Variants in HP1BP3 observed in about 807,000 individuals in gnomAD.
HP1BP3 encodes heterochromatin protein 1 binding protein 3, also known as heterochromatin protein 1-binding protein 3.
HP1BP3 carries 12 observed loss-of-function variants against 62.5 expected under a neutral mutation model. The observed-to-expected ratio is 0.19, with a 90% confidence interval of 0.12 to 0.31. HP1BP3 has a LOEUF of 0.31. HP1BP3 is among the 10% of genes least tolerant of loss of function. The pLI is 1.00. For missense variants in HP1BP3, 502 were observed against 651.8 expected (o/e 0.77, Z 2.50); for synonymous variants, 260 against 237.8 (o/e 1.09, Z -0.86).
intron 9 of HP1BP3, 104 bp downstream of exon 9, chr1:20,757,062 C>G: frequency 1.5e-6 from 1 of 645,810 alleles, no homozygotes; most frequent in African/African-American, 1.8e-5. Context: ...CCCACATAAA[C>G]AAAAGTTCTT....
intron 9 of HP1BP3, among the ~76,000 whole-genome samples, chr1:20,750,849 G>A (rs1052037382): frequency 1.3e-4 from 16 of 125,450 alleles, no homozygotes; most frequent in African/African-American, 5.0e-4. Flanking sequence ...ACAGAGTCTC[G>A]CTCTGTTGCC....
Position 20,780,288 on chromosome 1 carries a change from G to C in HP1BP3, c.96+57C>G, listed in dbSNP as rs1216481169. Reference sequence around the variant, plus strand: ...AACATGTACCAAGAAGGACCCAGCAGGGCCTGAAGTCAGGGATTGATCCAA... The same window carrying C: ...AACATGTACCAAGAAGGACCCAGCACGGCCTGAAGTCAGGGATTGATCCAA... On this transcript the variant is annotated intron_variant, in intron 2 of 12. Coordinates refer to ENST00000438032, the MANE Select transcript of HP1BP3 (RefSeq NM_001372052.1). 4.0e-6 allele frequency: 5 copies of C among 1,242,260 alleles called. No individual in the cohort carries two copies. The East Asian group carries it at 9.2e-5, about 23-fold the overall frequency. 77.0% of individuals were successfully genotyped at this position (1,242,260 alleles called of 1,614,324 possible).
intron 9 of HP1BP3, among the ~76,000 whole-genome samples, chr1:20,752,592 T>C (rs2055839744): frequency 6.6e-6 from 1 of 152,154 alleles, no homozygotes; most frequent in Admixed American, 6.5e-5. Flanking sequence ...ACCTGGCCTT[T>C]TCACTATTTT....
intron 9 of HP1BP3, among the ~76,000 whole-genome samples, chr1:20,754,938 G>C (rs916684485): frequency 6.6e-6 from 1 of 151,988 alleles, no homozygotes; most frequent in African/African-American, 2.4e-5. Context: ...AACTGCAAAA[G>C]CAATTTTTAA....
chr1:20,757,270 C>CA lies in HP1BP3; in HGVS notation c.891-15dup, dbSNP rs761522555. 5,643 of 1,345,678 alleles carry CA rather than the reference C, an allele frequency of 4.2e-3. 2 individuals are homozygous for CA. The highest frequency in any genetic ancestry group is 5.1e-3 in the South Asian group (360 of 70,418). The allele number at this position is 1,345,678 out of a possible 1,614,324, so 83.4% of individuals were successfully genotyped here. On this transcript the variant is annotated splice_polypyrimidine_tract_variant and intron_variant, in intron 8 of 12. Coordinates refer to ENST00000438032, the MANE Select transcript of HP1BP3 (RefSeq NM_001372052.1). ...AACAGCTGAGGCCTGCAAAGAAAAA[C>CA]AAAAAAAAAATAGTGATAAATACAT...
chr1:20,746,627 A>G (rs1407564763), intron 11 of HP1BP3, among the ~76,000 whole-genome samples: 3 of 152,218 alleles, frequency 2.0e-5, no homozygotes, highest in African/African-American at 7.2e-5. Flanking sequence ...TTCAAAGAAT[A>G]AATAAGGTAT....
At chr1:20,774,561 A>G (rs1274771670) in intron 4 of HP1BP3, 2 of 152,214 alleles carry the variant, frequency 1.3e-5, no homozygotes, top group African/African-American at 4.8e-5. Flanking sequence ...TTAAGATTAT[A>G]ATGGAACTGA....
At chr1:20,752,068 T>C (rs2055794389) in intron 9 of HP1BP3, among the ~76,000 whole-genome samples, 1 of 151,976 alleles carries the variant, frequency 6.6e-6, no homozygotes, top group African/African-American at 2.4e-5. Context: ...AAGACCAGCC[T>C]GGCCAACATG....
chr1:20,778,783 CTCT>C (rs1199519163), intron 3 of HP1BP3, among the ~76,000 whole-genome samples: 3 of 151,532 alleles, frequency 2.0e-5, no homozygotes, highest in Non-Finnish European at 4.4e-5. Flanking sequence ...TTTTCTACTC[CTCT>C]TTTTTTTTTT....
At chr1:20,760,197 A>AT (rs1469578670) in intron 8 of HP1BP3, among the ~76,000 whole-genome samples, 1 of 151,988 alleles carries the variant, frequency 6.6e-6, no homozygotes, top group African/African-American at 2.4e-5. Flanking sequence ...CTACAGACTG[A>AT]TTTTTTAACT....
intron 6 of HP1BP3, among the ~76,000 whole-genome samples, chr1:20,769,642 C>A (rs990129297): frequency 4.6e-5 from 7 of 152,184 alleles, no homozygotes; most frequent in African/African-American, 1.7e-4. Flanking sequence ...TGGTCTCAAA[C>A]TCCTGGCCTG....
In HP1BP3 at chr1:20,742,695, T is replaced by C. The variant is rs1325401835; in HGVS notation, c.*2102A>G. ...CGGTTCAGCAGCTTTTAAAATTTCA[T>C]GTTTATTCATATTTTTCAAAATATA... On this transcript the variant is annotated 3_prime_UTR_variant, in exon 13 of 13. Transcript: ENST00000438032. 3 of 152,670 alleles carry C rather than the reference T, an allele frequency of 2.0e-5. No homozygotes were observed. The highest frequency in any genetic ancestry group is 7.2e-5 in the African/African-American group (3 of 41,460). The allele number at this position is 152,670 out of a possible 1,614,324, so 9.5% of individuals were successfully genotyped here. A position where few individuals can be genotyped will look rare whatever the true frequency, so the allele number is the denominator to read the frequency against.
chr1:20,768,475 T>A (rs2056896068), intron 6 of HP1BP3, among the ~76,000 whole-genome samples: 1 of 152,124 alleles, frequency 6.6e-6, no homozygotes, highest in African/African-American at 2.4e-5. Context: ...TTTTAGCCAC[T>A]GCACACAATG....
At position 20,780,533 on chromosome 1, in the gene HP1BP3, G is replaced by C; in HGVS notation, c.-93C>G. ...TTCCTAATGGTTTCAGTGTGGTGAAGAATCAACCTAAAGCACAGAAAAGAC... is the reference window on the plus strand; with the variant it reads ...TTCCTAATGGTTTCAGTGTGGTGAACAATCAACCTAAAGCACAGAAAAGAC... On this transcript the variant is annotated 5_prime_UTR_variant, in exon 2 of 13. Coordinates refer to ENST00000438032, the MANE Select transcript of HP1BP3 (RefSeq NM_001372052.1). 1 of 872,836 alleles carries C rather than the reference G, an allele frequency of 1.1e-6. No homozygotes were observed. Among genetic ancestry groups the C allele is most frequent in the Non-Finnish European group, 1.9e-6 (1 of 520,104 alleles). 54.1% of individuals were successfully genotyped at this position (872,836 alleles called of 1,614,324 possible).
chr1:20,782,989 G>A (rs1271230186), intron 1 of HP1BP3, among the ~76,000 whole-genome samples: 1 of 149,746 alleles, frequency 6.7e-6, no homozygotes, highest in African/African-American at 2.5e-5. Context: ...GCACATGCCC[G>A]TAGTCCCAGC....
At chr1:20,785,579 A>G (rs971787391) in intron 1 of HP1BP3, among the ~76,000 whole-genome samples, 3 of 152,204 alleles carry the variant, frequency 2.0e-5, no homozygotes, top group African/African-American at 7.2e-5. Context: ...ATAAGCAAAC[A>G]TATACTCAGT....
intron 9 of HP1BP3, among the ~76,000 whole-genome samples, chr1:20,753,332 C>T (rs2055897664): frequency 6.6e-6 from 1 of 152,114 alleles, no homozygotes; most frequent in African/African-American, 2.4e-5. Flanking sequence ...TGCAAATGAA[C>T]TAAAAGAGCC....
chr1:20,759,957 C>T (rs2056368196), intron 8 of HP1BP3, among the ~76,000 whole-genome samples: 1 of 147,764 alleles, frequency 6.8e-6, no homozygotes, highest in Non-Finnish European at 1.5e-5. Context: ...GGCACAATCT[C>T]GGCTCACTGC....
At position 20,744,076 on chromosome 1, in the gene HP1BP3, GACAACAACA is replaced by G. The variant is rs566739861; in HGVS notation, c.*712_*720del. 6.6e-6 allele frequency: 1 copy of G among 151,968 alleles called. No homozygotes were observed. Among genetic ancestry groups the G allele is most frequent in the Admixed American group, 6.6e-5 (1 of 15,232 alleles). 9.4% of individuals were successfully genotyped at this position (151,968 alleles called of 1,614,324 possible). A position where few individuals can be genotyped will look rare whatever the true frequency, so the allele number is the denominator to read the frequency against. On this transcript the variant is annotated 3_prime_UTR_variant, in exon 13 of 13. Coordinates refer to ENST00000438032, the MANE Select transcript of HP1BP3 (RefSeq NM_001372052.1). ...CAAGACTCCGTCTCAAAACAACGAC[GACAACAACA>G]ACAACAACAAAAAACAAGTGATATA... is the stretch of plus-strand genomic sequence containing the variant.
Sources: gnomAD v4.1 joint callset for allele counts (sites outside exome capture counted in the v4.1 genomes callset) on GRCh38, gnomAD v4.1.1 for gene constraint, MANE v1.5 for transcripts, NCBI Gene and HGNC (gene_info 2026-07-23, HGNC 2026-07-21) for gene names.